SEL1L2: variants seen among roughly 807,000 people sequenced by gnomAD.
SEL1L2 encodes SEL1L2 adaptor subunit of SYVN1 ubiquitin ligase, also known as protein sel-1 homolog 2.
Under a neutral mutation model 98.8 loss-of-function variants are expected in SEL1L2, and 89 were observed. The observed-to-expected ratio is 0.90, with a 90% CI of 0.76 to 1.07. The LOEUF (loss-of-function observed/expected upper bound fraction) is 1.07, where lower values mean the gene tolerates loss of function less well. Ranked by LOEUF, SEL1L2 falls within the 50% of genes least tolerant of loss-of-function variation. SEL1L2 has a pLI of 0.00. For synonymous variants in SEL1L2, 262 were observed against 278.5 expected, an observed-to-expected ratio of 0.94 and a Z score of 0.59; for missense variants, 788 against 812.0, an observed-to-expected ratio of 0.97 and a Z score of 0.36.
chr20:13,875,939 T>G, intron 12 of SEL1L2, 99 bp downstream of exon 12: 1 of 889,378 alleles, frequency 1.1e-6, no homozygotes, highest in Middle Eastern at 2.2e-4. Flanking sequence ...AGGCCCATTA[T>G]CTGGGCTTGG....
chr20:13,886,452 A>G lies in SEL1L2; in HGVS notation c.746-10T>C, dbSNP rs746604889. 1.6e-5 allele frequency: 26 copies of G among 1,611,774 alleles called. No homozygotes were observed. In the African/African-American group the frequency reaches 3.3e-4, roughly 21 times the overall value. On this transcript the variant is annotated splice_polypyrimidine_tract_variant and intron_variant, in intron 8 of 19. Coordinates refer to ENST00000284951, the MANE Select transcript of SEL1L2 (RefSeq NM_025229.2). ...TCAAATGTGTCAGCAACTGTGAATA[A>G]AAACAAGCCAGAGAATAGCTAGAAA...
chr20:13,940,365 A>C (rs1285718681), intron 2 of SEL1L2, among the ~76,000 whole-genome samples: 1 of 152,222 alleles, frequency 6.6e-6, no homozygotes, highest in Non-Finnish European at 1.5e-5. Context: ...GACAGTAAGT[A>C]CGAATGCCCT....
At chr20:13,930,216 A>G (rs962368218) in intron 3 of SEL1L2, among the ~76,000 whole-genome samples, 1 of 152,244 alleles carries the variant, frequency 6.6e-6, no homozygotes, top group Non-Finnish European at 1.5e-5. Flanking sequence ...CTTGAAGAGC[A>G]TCACTAGCAG....
chr20:13,849,380 G>T lies in SEL1L2; in HGVS notation c.*105C>A, dbSNP rs559673400. ...TCTGTTTCCCATCACAGCCCTGAGC[G>T]GGAAACTGCAGCGGACTCTTGATTT... On this transcript the variant is annotated 3_prime_UTR_variant, in exon 20 of 20. Coordinates refer to ENST00000284951, the MANE Select transcript of SEL1L2 (RefSeq NM_025229.2). 158 of 1,417,282 alleles carry T rather than the reference G, an allele frequency of 1.1e-4. No homozygotes were observed. The African/African-American group carries it at 2.0e-3, about 18-fold the overall frequency. 87.8% of individuals were successfully genotyped at this position (1,417,282 alleles called of 1,614,324 possible).
chr20:13,850,999 G>T (rs1475628188), intron 18 of SEL1L2, among the ~76,000 whole-genome samples: 2 of 152,164 alleles, frequency 1.3e-5, no homozygotes, highest in African/African-American at 2.4e-5. Context: ...TACTTTGGGA[G>T]GCCAAGGCAG....
At chr20:13,897,162 G>A (rs1307961109) in intron 5 of SEL1L2, among the ~76,000 whole-genome samples, 1 of 152,178 alleles carries the variant, frequency 6.6e-6, no homozygotes. Flanking sequence ...ATGGGGAAAG[G>A]ATAGTCTCTT....
chr20:13,970,856 TATTA>T (rs1156784268), intron 1 of SEL1L2, among the ~76,000 whole-genome samples: 1 of 150,352 alleles, frequency 6.7e-6, no homozygotes, highest in Non-Finnish European at 1.5e-5. Context: ...CTGTCACACA[TATTA>T]ATTAATAGAA....
intron 11 of SEL1L2, 33 bp from the exon 12 acceptor site, chr20:13,876,148 AC>A: frequency 6.7e-7 from 1 of 1,481,978 alleles, no homozygotes; most frequent in Non-Finnish European, 9.4e-7. Context: ...GATAGAAAAA[AC>A]AAAATAATTT....
At chr20:13,971,087 AACTG>A (rs11470564) in intron 1 of SEL1L2, among the ~76,000 whole-genome samples, 32,261 of 151,540 alleles carry the variant, frequency 0.21, 3,886 homozygotes, top group African/African-American at 0.34. Flanking sequence ...CTCTCTAAGG[AACTG>A]ACTGTTAGGT....
chr20:13,944,480 G>A (rs1464329286), intron 2 of SEL1L2, among the ~76,000 whole-genome samples: 1 of 152,186 alleles, frequency 6.6e-6, no homozygotes, highest in African/African-American at 2.4e-5. Flanking sequence ...AGCAGAGGGT[G>A]AGCTTAAGAT....
intron 1 of SEL1L2, among the ~76,000 whole-genome samples, chr20:13,969,545 C>G (rs1003776092): frequency 6.6e-6 from 1 of 152,186 alleles, no homozygotes; most frequent in African/African-American, 2.4e-5. Flanking sequence ...TTCTATCTGA[C>G]AATTTAAGCC....
At chr20:13,984,666 C>G (rs1040783776) in intron 1 of SEL1L2, among the ~76,000 whole-genome samples, 9 of 152,040 alleles carry the variant, frequency 5.9e-5, no homozygotes, top group Non-Finnish European at 8.8e-5. Flanking sequence ...CTTTCTCTCT[C>G]TCTTCCTCCC....
At chr20:13,935,844 G>C (rs2049426904) in intron 2 of SEL1L2, among the ~76,000 whole-genome samples, 1 of 152,130 alleles carries the variant, frequency 6.6e-6, no homozygotes, top group African/African-American at 2.4e-5. Flanking sequence ...ACTGAAATAG[G>C]CCACTTGAGA....
intron 5 of SEL1L2, among the ~76,000 whole-genome samples, chr20:13,906,713 C>A (rs2047944276): frequency 6.6e-6 from 1 of 152,180 alleles, no homozygotes; most frequent in African/African-American, 2.4e-5. Flanking sequence ...GCGTCTCACT[C>A]TGTCACCCAG....
chr20:13,959,292 A>G (rs1311500713), intron 1 of SEL1L2, among the ~76,000 whole-genome samples: 1 of 152,202 alleles, frequency 6.6e-6, no homozygotes, highest in Non-Finnish European at 1.5e-5. Flanking sequence ...TGGTTGGACC[A>G]GGAAGAAGCT....
At chr20:13,972,723 T>C (rs1284339223) in intron 1 of SEL1L2, among the ~76,000 whole-genome samples, 1 of 152,254 alleles carries the variant, frequency 6.6e-6, no homozygotes, top group Non-Finnish European at 1.5e-5. Context: ...ATTTCTCTAG[T>C]GTCTTCTTAT....
chr20:13,928,878 G>T (rs1230260991), intron 3 of SEL1L2, among the ~76,000 whole-genome samples: 4 of 152,086 alleles, frequency 2.6e-5, no homozygotes, highest in African/African-American at 9.7e-5. Flanking sequence ...AACACATAAG[G>T]ATTAGGAGAC....
intron 18 of SEL1L2, among the ~76,000 whole-genome samples, chr20:13,858,188 C>T (rs539506676): frequency 1.2e-4 from 18 of 152,152 alleles, no homozygotes; most frequent in African/African-American, 3.9e-4. Context: ...TCACTGTGCA[C>T]CACTAGCAGT....
intron 11 of SEL1L2, among the ~76,000 whole-genome samples, chr20:13,876,418 T>C (rs1282847116): frequency 6.6e-6 from 1 of 150,986 alleles, no homozygotes; most frequent in Non-Finnish European, 1.5e-5. Context: ...TTTTTTTTTT[T>C]TTTTTTTTGC....
Sources: gnomAD v4.1 joint callset for allele counts (sites outside exome capture counted in the v4.1 genomes callset) on GRCh38, gnomAD v4.1.1 for gene constraint, MANE v1.5 for transcripts, NCBI Gene and HGNC (gene_info 2026-07-23, HGNC 2026-07-21) for gene names.